The following VAT1L variants were observed in gnomAD, a reference collection of about 807,000 sequenced individuals.
VAT1L encodes the protein vesicle amine transport 1 like.
A neutral mutation model predicts 44.1 loss-of-function variants in VAT1L; 34 were observed. The observed-to-expected ratio is 0.77, with a 90% CI of 0.59 to 1.03. The LOEUF (loss-of-function observed/expected upper bound fraction) is 1.03. Ranked by LOEUF, VAT1L falls within the 50% of genes least tolerant of loss-of-function variation. The pLI is 0.00. For synonymous variants in VAT1L, 253 were observed against 202.2 expected, an observed-to-expected ratio of 1.25 and a Z score of -2.13; for missense variants, 615 against 538.8, an observed-to-expected ratio of 1.14 and a Z score of -1.40.
intron 7 of VAT1L, among the ~76,000 whole-genome samples, chr16:77,939,032 C>T (rs2017841432): frequency 6.6e-6 from 1 of 152,248 alleles, no homozygotes; most frequent in African/African-American, 2.4e-5. Flanking sequence ...ACCTGGACTG[C>T]TCAGATCTGG....
intron 3 of VAT1L, 41 bp downstream of exon 3, chr16:77,825,502 A>G (rs1420544050): frequency 2.6e-6 from 4 of 1,548,982 alleles, no homozygotes; most frequent in East Asian, 2.4e-5. Context: ...TAAGGTCATG[A>G]TGGTGGAAGT....
intron 7 of VAT1L, among the ~76,000 whole-genome samples, chr16:77,968,614 A>C (rs923949321): frequency 6.6e-6 from 1 of 151,834 alleles, no homozygotes; most frequent in Non-Finnish European, 1.5e-5. Context: ...AGTCCCAGCT[A>C]CTCAGGAAGT....
In VAT1L at chr16:77,978,572, G is replaced by C. The variant is rs1447773795; in HGVS notation, c.*877G>C. ...TAAATTTCAATTCCTGGTGGAAAGT[G>C]ACCACTTTGACCATGGATTTCCCAA... is the stretch of plus-strand genomic sequence containing the variant. On this transcript the variant is annotated 3_prime_UTR_variant, in exon 9 of 9. Transcript: ENST00000302536. 2.0e-5 allele frequency: 3 copies of C among 152,244 alleles called. No individual in the cohort carries two copies. Among genetic ancestry groups the C allele is most frequent in the African/African-American group, 7.2e-5 (3 of 41,466 alleles). 9.4% of individuals were successfully genotyped at this position (152,244 alleles called of 1,614,324 possible). A position where few individuals can be genotyped will look rare whatever the true frequency, so the allele number is the denominator to read the frequency against.
At position 77,925,006 on chromosome 16, in the gene VAT1L, G is replaced by T. The variant is rs145903534; in HGVS notation, c.1077+40204G>T. ...CTGTCTAATAGTGTATGCATTAAAG[G>T]TAAGAATACTCACCCACAAGGCTTT... On this transcript the variant is annotated intron_variant, in intron 7 of 8. Transcript: ENST00000302536. Among the ~76,000 whole-genome samples, 8 of 152,224 alleles carry T rather than the reference G, an allele frequency of 5.3e-5. No homozygotes were observed. In the East Asian group the frequency reaches 1.5e-3, roughly 29 times the overall value.
chr16:77,902,873 T>C (rs1054978084), intron 7 of VAT1L, among the ~76,000 whole-genome samples: 4 of 148,464 alleles, frequency 2.7e-5, no homozygotes, highest in Non-Finnish European at 5.9e-5. Context: ...CTTGGGAGGC[T>C]GAGGCAGCAG....
chr16:77,799,503 T>TGG (rs2016003439), intron 1 of VAT1L, among the ~76,000 whole-genome samples: 1 of 117,226 alleles, frequency 8.5e-6, no homozygotes, highest in South Asian at 3.3e-4. Context: ...CTGGAATACA[T>TGG]GGTGTGTGTG....
At chr16:77,971,638 G>A (rs2018278846) in intron 7 of VAT1L, among the ~76,000 whole-genome samples, 1 of 151,892 alleles carries the variant, frequency 6.6e-6, no homozygotes, top group Non-Finnish European at 1.5e-5. Context: ...TCACTTTTCC[G>A]ACCCAGAAGA....
At chr16:77,887,166 G>T (rs538578881) in intron 7 of VAT1L, among the ~76,000 whole-genome samples, 1 of 152,226 alleles carries the variant, frequency 6.6e-6, no homozygotes, top group African/African-American at 2.4e-5. Context: ...AAAACAAAGG[G>T]GTGAAGAACA....
intron 4 of VAT1L, among the ~76,000 whole-genome samples, chr16:77,872,244 G>A (rs1039511347): frequency 3.9e-5 from 6 of 152,012 alleles, no homozygotes; most frequent in South Asian, 2.1e-4. Context: ...TCTCCCCTGC[G>A]TACCCACCTC....
intron 3 of VAT1L, among the ~76,000 whole-genome samples, chr16:77,828,181 AAGG>A (rs2016544276): frequency 6.6e-6 from 1 of 152,230 alleles, no homozygotes; most frequent in South Asian, 2.1e-4. Flanking sequence ...TACAAAATCT[AAGG>A]AGTCCTGCAG....
chr16:77,933,493 T>G (rs936764913), intron 7 of VAT1L, among the ~76,000 whole-genome samples: 3 of 152,130 alleles, frequency 2.0e-5, no homozygotes, highest in African/African-American at 7.2e-5. Flanking sequence ...TAAAACTGTA[T>G]GAGGATAAAA....
chr16:77,847,209 T>G (rs1470543173), intron 3 of VAT1L, among the ~76,000 whole-genome samples: 1 of 150,096 alleles, frequency 6.7e-6, no homozygotes, highest in Non-Finnish European at 1.5e-5. Context: ...TTTTTGGAAA[T>G]GAGAAAGCAG....
chr16:77,876,245 C>G, intron 4 of VAT1L, 125 bp from the exon 5 acceptor site: 1 of 774,794 alleles, frequency 1.3e-6, no homozygotes, highest in Non-Finnish European at 2.2e-6. Flanking sequence ...CTATTTATTG[C>G]TACTCCTGGA....
intron 7 of VAT1L, among the ~76,000 whole-genome samples, chr16:77,916,791 G>A (rs901560098): frequency 7.0e-6 from 1 of 142,452 alleles, no homozygotes; most frequent in African/African-American, 2.5e-5. Flanking sequence ...ACTACACTGC[G>A]CTTTGCTCTT....
chr16:77,873,790 A>C (rs1168142488), intron 4 of VAT1L, among the ~76,000 whole-genome samples: 1 of 152,180 alleles, frequency 6.6e-6, no homozygotes, highest in African/African-American at 2.4e-5. Flanking sequence ...GATGAGAAGG[A>C]GCCAGCTCTA....
chr16:77,915,353 C>G (rs896735731), intron 7 of VAT1L, among the ~76,000 whole-genome samples: 1 of 152,168 alleles, frequency 6.6e-6, no homozygotes, highest in African/African-American at 2.4e-5. Flanking sequence ...CGGATTTTTT[C>G]AGAGAGTCAG....
intron 6 of VAT1L, among the ~76,000 whole-genome samples, chr16:77,883,272 G>C (rs146081799): frequency 1.3e-5 from 2 of 152,204 alleles, no homozygotes; most frequent in South Asian, 4.1e-4. Flanking sequence ...GAAACTGGAC[G>C]CTTGGATTTC....
chr16:77,972,031 G>A (rs748118761), intron 8 of VAT1L, 98 bp downstream of exon 8: 31 of 1,187,968 alleles, frequency 2.6e-5, no homozygotes, highest in Non-Finnish European at 3.5e-5. Flanking sequence ...AGTACAGGTA[G>A]CCTGTGGGCT....
At chr16:77,869,747 G>C (rs139218874) in intron 4 of VAT1L, among the ~76,000 whole-genome samples, 4 of 152,092 alleles carry the variant, frequency 2.6e-5, no homozygotes, top group East Asian at 1.9e-4. Context: ...AGGAAACTGC[G>C]ATAAAGCACA....
Sources: gnomAD v4.1 joint callset for allele counts (sites outside exome capture counted in the v4.1 genomes callset) on GRCh38, gnomAD v4.1.1 for gene constraint, MANE v1.5 for transcripts, NCBI Gene and HGNC (gene_info 2026-07-23, HGNC 2026-07-21) for gene names.